The following PERM1 variants were observed in gnomAD, a reference collection of about 807,000 sequenced individuals.
PERM1 encodes PGC-1 and ERR-induced regulator in muscle protein 1.
Under a neutral mutation model 44.1 loss-of-function variants are expected in PERM1, and 45 were observed. The observed-to-expected ratio is 1.02, with a 90% CI of 0.80 to 1.31. PERM1 has a LOEUF of 1.31. Among genes scored for constraint, PERM1 ranks in the 50% most tolerant of loss-of-function variants. The pLI is 0.00. For missense variants in PERM1, 1,189 were observed against 1,106.9 expected (o/e 1.07, Z -1.05); for synonymous variants, 565 against 477.1 (o/e 1.18, Z -2.40).
chr1:979,427 G>A (rs1231828401), exon 1 of PERM1: 4 of 1,530,132 alleles, frequency 2.6e-6, no homozygotes, highest in Non-Finnish European at 3.5e-6. Flanking sequence ...GGCCCCCCGT[G>A]GGCCCCAGTT....
At chr1:981,240 T>A, upstream of PERM1, 1 of 1,489,860 alleles carries the variant, frequency 6.7e-7, no homozygotes, top group Non-Finnish European at 9.0e-7. Flanking sequence ...GGTGACGATT[T>A]CCAAGTTAGA....
chr1:979,264 C>G, exon 1 of PERM1: 1 of 1,549,854 alleles, frequency 6.5e-7, no homozygotes, highest in African/African-American at 1.4e-5. Flanking sequence ...GATGGTGTCA[C>G]AGAAGAAGAA....
At chr1:976,177 A>AGCTGGG (rs1363227505) in exon 3 of PERM1, 32 of 1,546,252 alleles carry the variant, frequency 2.1e-5, no homozygotes, top group Admixed American at 4.0e-5. Flanking sequence ...GGCTCCTAGG[A>AGCTGGG]GCTGGGGCTG....
chr1:978,968 G>A (rs961653576), exon 1 of PERM1: 2 of 1,510,444 alleles, frequency 1.3e-6, no homozygotes. Flanking sequence ...GCCGACCGGG[G>A]AGGCTCCAGG....
exon 1 of PERM1, chr1:979,746 A>G: frequency 4.5e-6 from 7 of 1,550,234 alleles, no homozygotes; most frequent in Non-Finnish European, 6.1e-6. Flanking sequence ...AGACAGGTGG[A>G]GATGAAGCCA....
Position 979,278 on chromosome 1 carries a change from G to T in PERM1, c.1752C>A (p.Tyr584Ter), listed in dbSNP as rs765716289. Residue 584 changes from tyrosine to a stop codon, truncating the protein, a stop_gained, in exon 1 of 3, where the codon TAC (tyrosine) becomes TAA (stop). Coordinates refer to ENST00000433179, the Ensembl canonical transcript of PERM1. LOFTEE classifies it high-confidence loss of function. ...CGATGGTGTCACAGAAGAAGAACTC[G>T]TAGGCCTCCGGGAGGGTCACGGCAA... 2.6e-6 allele frequency: 4 copies of T among 1,549,494 alleles called. No homozygotes were observed. In the East Asian group the frequency reaches 7.3e-5, roughly 28 times the overall value.
chr1:979,034 C>CGAA, exon 1 of PERM1: 1 of 1,539,546 alleles, frequency 6.5e-7, no homozygotes, highest in Non-Finnish European at 8.8e-7. Flanking sequence ...CTGTCCTCCC[C>CGAA]GAAGAAGAAG....
chr1:976,232 G>T, exon 3 of PERM1: 1 of 1,538,108 alleles, frequency 6.5e-7, no homozygotes, highest in Non-Finnish European at 8.8e-7. Context: ...GGCGGAAGTA[G>T]CGGATGGCAG....
At chr1:979,319 C>T (rs1487836987) in exon 1 of PERM1, 10 of 1,533,750 alleles carry the variant, frequency 6.5e-6, no homozygotes, top group East Asian at 2.5e-5. Context: ...CTCCCGGGCC[C>T]GACCCTCGTC....
At chr1:982,061 C>T (rs985332962), upstream of PERM1, 36 of 1,288,352 alleles carry the variant, frequency 2.8e-5, no homozygotes, top group Non-Finnish European at 3.1e-5. Flanking sequence ...TGACCATGTC[C>T]TACCTGGGTC....
At chr1:976,084 A>G in exon 3 of PERM1, 2 of 1,320,554 alleles carry the variant, frequency 1.5e-6, no homozygotes, top group Non-Finnish European at 2.1e-6. Context: ...GAGGGGTCAG[A>G]GGGCCCGGGC....
Position 979,256 on chromosome 1 carries a change from TGGTGTCACAGAAGAAGAACTCGTAGG to T in PERM1, c.1748_1773del (p.Ala583AspfsTer8), listed in dbSNP as rs1489567945. ...GCCTCAGCCTCTTCGTTCTCCTCGA[TGGTGTCACAGAAGAAGAACTCGTAGG>T]CCTCCGGGAGGGTCACGGCAAAGCT... is the stretch of plus-strand genomic sequence containing the variant. On this transcript the variant is annotated frameshift_variant, in exon 1 of 3. Transcript: ENST00000433179. LOFTEE classifies it high-confidence loss of function. 1 of 1,549,916 alleles carries T rather than the reference TGGTGTCACAGAAGAAGAACTCGTAGG, an allele frequency of 6.5e-7. No individual in the cohort carries two copies. Among genetic ancestry groups the T allele is most frequent in the Non-Finnish European group, 8.7e-7 (1 of 1,146,736 alleles).
chr1:976,461 T>A, intron 2 of PERM1, 38 bp downstream of exon 3: 2 of 1,549,240 alleles, frequency 1.3e-6, no homozygotes, highest in Non-Finnish European at 1.7e-6. Flanking sequence ...TCGGTCTGGC[T>A]TCTAGGCGCA....
chr1:981,492 C>G (rs2100508452), upstream of PERM1, among the ~76,000 whole-genome samples: 1 of 152,362 alleles, frequency 6.6e-6, no homozygotes, highest in South Asian at 2.1e-4. Flanking sequence ...CCGATGGGAC[C>G]AGTGCCCTCG....
At chr1:979,435 G>T in exon 1 of PERM1, 1 of 1,535,920 alleles carries the variant, frequency 6.5e-7, no homozygotes, top group Non-Finnish European at 8.8e-7. Context: ...GTGGGCCCCA[G>T]TTGCTGTCTG....
chr1:976,240 C>T, exon 3 of PERM1: 4 of 1,535,702 alleles, frequency 2.6e-6, no homozygotes, highest in Non-Finnish European at 1.8e-6. Context: ...TAGCGGATGG[C>T]AGAGATGGTG....
At chr1:976,079 G>T in exon 3 of PERM1, 3 of 1,281,692 alleles carry the variant, frequency 2.3e-6, no homozygotes, top group Non-Finnish European at 3.2e-6. Context: ...GAAGAGAGGG[G>T]TCAGAGGGCC....
intron 1 of PERM1, among the ~76,000 whole-genome samples, chr1:978,147 T>TC (rs1290097906): frequency 3.7e-5 from 1 of 27,376 alleles, no homozygotes; most frequent in Non-Finnish European, 7.4e-5. Flanking sequence ...ACCGCCTGCC[T>TC]CCCCCTCCAA....
At chr1:980,889 G>T in exon 1 of PERM1, 2 of 1,407,724 alleles carry the variant, frequency 1.4e-6, no homozygotes, top group Non-Finnish European at 9.2e-7. Context: ...TGCCACTGCT[G>T]TCCCCTTGGT....
Sources: allele counts gnomAD v4.1 joint callset (sites outside exome capture counted in the v4.1 genomes callset), GRCh38; gene constraint gnomAD v4.1.1; transcripts MANE v1.5; gene names NCBI Gene and HGNC (gene_info 2026-07-23, HGNC 2026-07-21).